The following TNS1 variants were observed in gnomAD, a reference collection of about 807,000 sequenced individuals.
TNS1 encodes tensin 1, also known as tensin-1.
A neutral mutation model predicts 168.6 loss-of-function variants in TNS1; 62 were observed. The observed-to-expected ratio is 0.37, with a 90% CI of 0.30 to 0.45. TNS1 has a LOEUF of 0.45. Ranked by LOEUF, TNS1 falls within the 20% of genes least tolerant of loss-of-function variation. The pLI, the probability that TNS1 is intolerant of heterozygous loss-of-function variation, is 1.00. For synonymous variants in TNS1, 934 were observed against 933.2 expected, an observed-to-expected ratio of 1.00 and a Z score of -0.02; for missense variants, 2,240 against 2,339.4, an observed-to-expected ratio of 0.96 and a Z score of 0.88.
intron 18 of TNS1, among the ~76,000 whole-genome samples, chr2:217,873,858 T>C (rs1006319941): frequency 7.2e-5 from 11 of 152,296 alleles, no homozygotes; most frequent in Admixed American, 4.6e-4. Flanking sequence ...CATTTGTGTC[T>C]CTGTCTCCAC....
chr2:217,931,813 T>C, intron 3 of TNS1, among the ~76,000 whole-genome samples: 1 of 152,190 alleles, frequency 6.6e-6, no homozygotes, highest in Non-Finnish European at 1.5e-5. Flanking sequence ...AACGTTAAAA[T>C]GTTTTTTAAT....
At chr2:217,805,542 AC>A (rs1938608969) in intron 32 of TNS1, among the ~76,000 whole-genome samples, 1 of 1,412 alleles carries the variant, frequency 7.1e-4, no homozygotes, top group African/African-American at 3.0e-3. Flanking sequence ...CACCACACAC[AC>A]CACCACACAC....
chr2:217,901,642 C>A (rs935345643), intron 6 of TNS1: 1 of 152,306 alleles, frequency 6.6e-6, no homozygotes, highest in Admixed American at 6.5e-5. Context: ...AAGTTGCAGC[C>A]TCTTCTTTAA....
intron 22 of TNS1, among the ~76,000 whole-genome samples, chr2:217,822,874 G>A (rs1025358937): frequency 2.0e-5 from 3 of 152,150 alleles, no homozygotes; most frequent in South Asian, 2.1e-4. Context: ...GCAACAGAAC[G>A]CTCTTGTTTA....
intron 18 of TNS1, among the ~76,000 whole-genome samples, chr2:217,878,389 G>A (rs1950384435): frequency 6.6e-6 from 1 of 152,214 alleles, no homozygotes; most frequent in Non-Finnish European, 1.5e-5. Flanking sequence ...CAGCACAGGG[G>A]GCAACGCGGT....
intron 8 of TNS1, among the ~76,000 whole-genome samples, chr2:217,897,450 C>G (rs1952435348): frequency 6.6e-6 from 1 of 152,192 alleles, no homozygotes. Context: ...GCTAGGGCTG[C>G]TGCAAAGGTT....
chr2:217,883,980 C>G (rs1950928886), intron 16 of TNS1, among the ~76,000 whole-genome samples: 1 of 152,222 alleles, frequency 6.6e-6, no homozygotes, highest in South Asian at 2.1e-4. Context: ...GTCTCCATCA[C>G]TTCAGGCAAC....
intron 3 of TNS1, among the ~76,000 whole-genome samples, chr2:217,929,462 A>ACCGGGGCAGGGTGAGAGGGTCC (rs1258571977): frequency 2.0e-5 from 3 of 152,164 alleles, no homozygotes; most frequent in Non-Finnish European, 4.4e-5. Flanking sequence ...CAGCAAGCCT[A>ACCGGGGCAGGGTGAGAGGGTCC]CCGGGGCAGG....
In TNS1 at chr2:217,867,388, C is replaced by T. The variant is rs569436845; in HGVS notation, c.1429+13510G>A. 7.9e-5 allele frequency among the ~76,000 whole-genome samples: 12 copies of T among 152,336 alleles called. No homozygotes were observed. The East Asian group carries it at 2.1e-3, about 27-fold the overall frequency. ...AATGGTATATGTGCAACGCCATTCACTGCAGCATTTTTTTGGAAACAGCAA... is the reference window on the plus strand; with the variant it reads ...AATGGTATATGTGCAACGCCATTCATTGCAGCATTTTTTTGGAAACAGCAA... On this transcript the variant is annotated intron_variant, in intron 18 of 32. Coordinates refer to ENST00000682258, the MANE Select transcript of TNS1 (RefSeq NM_001387777.1).
intron 18 of TNS1, chr2:217,879,367 C>T: frequency 4.6e-6 from 2 of 437,288 alleles, no homozygotes; most frequent in Non-Finnish European, 9.2e-6. Flanking sequence ...CTGGCAGCCA[C>T]TGAAACCTCA....
At chr2:217,970,716 G>A (rs985671579) in intron 3 of TNS1, among the ~76,000 whole-genome samples, 5 of 152,120 alleles carry the variant, frequency 3.3e-5, no homozygotes, top group Non-Finnish European at 5.9e-5. Context: ...GGGTGAGGTC[G>A]GGGAGAGATA....
chr2:217,973,037 A>G (rs1957807354), intron 3 of TNS1, among the ~76,000 whole-genome samples: 1 of 152,232 alleles, frequency 6.6e-6, no homozygotes, highest in African/African-American at 2.4e-5. Flanking sequence ...TGCTGTATAC[A>G]CACAGCACAT....
chr2:217,809,917 A>G lies in TNS1; in HGVS notation c.5179T>C (p.Ser1727Pro). Residue 1727 changes from serine (S) to proline (P), a missense_variant, in exon 30 of 33, where the codon TCT (serine) becomes CCT (proline). By Grantham distance (74) the Ser-to-Pro change is moderately conservative. This residue lies in a region of TNS1 where 109 missense variants were observed against 168.1 expected (regional missense o/e 0.65). Coordinates refer to ENST00000682258, the MANE Select transcript of TNS1 (RefSeq NM_001387777.1). ...TGPQAISKATSETLAADPTPA... is the reference protein window; with the variant it reads ...TGPQAISKATPETLAADPTPA... ...GTGGGGTCTGCAGCCAACGTCTCAGATGTGGCTTTAGAGATGGCCTGTGGC... is the reference window on the plus strand; with the variant it reads ...GTGGGGTCTGCAGCCAACGTCTCAGGTGTGGCTTTAGAGATGGCCTGTGGC... 6.2e-7 allele frequency: 1 copy of G among 1,613,602 alleles called. No homozygotes were observed. The highest frequency in any genetic ancestry group is 8.5e-7 in the Non-Finnish European group (1 of 1,179,678).
intron 18 of TNS1, chr2:217,879,388 G>A (rs759204736): frequency 8.2e-5 from 37 of 451,622 alleles, no homozygotes; most frequent in East Asian, 2.9e-4. Flanking sequence ...GAACAAATTC[G>A]CTCCAGCCTC....
intron 18 of TNS1, among the ~76,000 whole-genome samples, chr2:217,853,238 G>C (rs1947741967): frequency 6.6e-6 from 1 of 152,192 alleles, no homozygotes; most frequent in Admixed American, 6.5e-5. Context: ...AGTGAAATAA[G>C]GTAGAGGAGG....
chr2:218,011,627 G>C (rs1416092517), upstream of TNS1, among the ~76,000 whole-genome samples: 1 of 152,140 alleles, frequency 6.6e-6, no homozygotes, highest in Non-Finnish European at 1.5e-5. Flanking sequence ...CTTTCCCACT[G>C]TGTGGGCGGA....
chr2:217,921,349 C>G (rs935032011), intron 3 of TNS1, among the ~76,000 whole-genome samples: 2 of 152,148 alleles, frequency 1.3e-5, no homozygotes, highest in Non-Finnish European at 2.9e-5. Flanking sequence ...CTCCCCCAGA[C>G]AGTGGGCAAC....
At chr2:217,945,288 C>T (rs1040877971) in intron 3 of TNS1, among the ~76,000 whole-genome samples, 7 of 152,188 alleles carry the variant, frequency 4.6e-5, no homozygotes, top group African/African-American at 1.7e-4. Flanking sequence ...TCAGCCAAAC[C>T]CTTCCCCAGG....
At chr2:217,953,986 A>G (rs1957302228) in intron 3 of TNS1, among the ~76,000 whole-genome samples, 1 of 152,336 alleles carries the variant, frequency 6.6e-6, no homozygotes, top group African/African-American at 2.4e-5. Flanking sequence ...ACCCAAAACC[A>G]GAAGACTCAG....
Sources: allele counts gnomAD v4.1 joint callset (sites outside exome capture counted in the v4.1 genomes callset), GRCh38; gene constraint gnomAD v4.1.1; regional missense constraint gnomAD v4.1.1; transcripts MANE v1.5; gene names NCBI Gene and HGNC (gene_info 2026-07-23, HGNC 2026-07-21).